SGCZ: variants seen among roughly 807,000 people sequenced by gnomAD.
SGCZ encodes the protein zeta-sarcoglycan.
SGCZ carries 40 observed loss-of-function variants against 41.3 expected under a neutral mutation model. That is an observed-to-expected ratio of 0.97 (90% CI 0.75 to 1.26). The LOEUF (loss-of-function observed/expected upper bound fraction) is 1.26. Ranked by LOEUF, SGCZ falls within the 50% of genes most tolerant of loss-of-function variation. The probability of loss-of-function intolerance (pLI) is 0.00; values close to 1 mark genes in which losing one functional copy is unlikely to be tolerated. For missense variants in SGCZ, 552 were observed against 369.8 expected (o/e 1.49, Z -4.04); for synonymous variants, 206 against 137.5 (o/e 1.50, Z -3.49).
intron 5 of SGCZ, among the ~76,000 whole-genome samples, chr8:14,142,162 T>C (rs976610241): frequency 1.2e-4 from 18 of 152,072 alleles, no homozygotes; most frequent in Admixed American, 8.5e-4. Context: ...CACCAGGGCC[T>C]GTCGAGGGGT....
At chr8:15,220,825 A>G (rs560416740) in intron 1 of SGCZ, among the ~76,000 whole-genome samples, 1 of 152,290 alleles carries the variant, frequency 6.6e-6, no homozygotes, top group Admixed American at 6.5e-5. Context: ...ACGGAATACT[A>G]TGCAGCCATA....
chr8:14,763,120 A>G (rs1168237522), intron 1 of SGCZ, among the ~76,000 whole-genome samples: 1 of 152,178 alleles, frequency 6.6e-6, no homozygotes, highest in Non-Finnish European at 1.5e-5. Flanking sequence ...GTTCTTTAAA[A>G]TGTGTTGTAT....
chr8:14,214,403 G>A (rs539507316), intron 4 of SGCZ, among the ~76,000 whole-genome samples: 1 of 151,990 alleles, frequency 6.6e-6, no homozygotes, highest in South Asian at 2.1e-4. Context: ...TAAAACCTCA[G>A]GAAATTTGAA....
intron 1 of SGCZ, among the ~76,000 whole-genome samples, chr8:14,738,236 T>G (rs1453186588): frequency 2.6e-5 from 4 of 152,060 alleles, no homozygotes; most frequent in Non-Finnish European, 5.9e-5. Flanking sequence ...GGGGGAATCA[T>G]CTTATCTAAT....
intron 1 of SGCZ, among the ~76,000 whole-genome samples, chr8:15,049,343 T>C (rs1029420599): frequency 1.2e-4 from 19 of 152,062 alleles, no homozygotes; most frequent in Admixed American, 4.6e-4. Flanking sequence ...AAAAGATTGC[T>C]AGCATGGCTA....
At chr8:14,222,555 T>A (rs2117125189) in intron 4 of SGCZ, among the ~76,000 whole-genome samples, 1 of 152,210 alleles carries the variant, frequency 6.6e-6, no homozygotes, top group Admixed American at 6.5e-5. Context: ...TTCTGCAGCT[T>A]CTGACAGATT....
chr8:14,601,850 G>A (rs1805598493), intron 1 of SGCZ, among the ~76,000 whole-genome samples: 1 of 152,144 alleles, frequency 6.6e-6, no homozygotes, highest in African/African-American at 2.4e-5. Context: ...GCCGGGCGCG[G>A]TGGCTCACGC....
intron 2 of SGCZ, among the ~76,000 whole-genome samples, chr8:14,426,055 G>A (rs1266115238): frequency 1.3e-5 from 2 of 151,780 alleles, no homozygotes; most frequent in African/African-American, 4.8e-5. Flanking sequence ...TTTTTTTCTA[G>A]TAAGAATAGT....
At chr8:14,776,273 T>TG (rs1800398455) in intron 1 of SGCZ, among the ~76,000 whole-genome samples, 2 of 152,114 alleles carry the variant, frequency 1.3e-5, no homozygotes, top group Admixed American at 6.5e-5. Context: ...AAGTGAATCA[T>TG]GGGGGTGGTT....
chr8:14,705,296 G>C (rs1210554996), intron 1 of SGCZ, among the ~76,000 whole-genome samples: 1 of 151,890 alleles, frequency 6.6e-6, no homozygotes, highest in Non-Finnish European at 1.5e-5. Flanking sequence ...TTGTCTATTT[G>C]TTAACAGGAT....
chr8:14,722,593 A>T (rs1809922289), intron 1 of SGCZ, among the ~76,000 whole-genome samples: 1 of 152,074 alleles, frequency 6.6e-6, no homozygotes, highest in African/African-American at 2.4e-5. Context: ...AAAGGAAAAC[A>T]CAAGAAATGA....
intron 1 of SGCZ, among the ~76,000 whole-genome samples, chr8:15,129,134 A>G (rs1226664284): frequency 6.6e-6 from 1 of 151,948 alleles, no homozygotes; most frequent in Non-Finnish European, 1.5e-5. Context: ...TTCAGTCCAA[A>G]TTTCCTTTTT....
At chr8:14,659,453 G>C (rs1180800828) in intron 1 of SGCZ, among the ~76,000 whole-genome samples, 1 of 151,904 alleles carries the variant, frequency 6.6e-6, no homozygotes, top group Non-Finnish European at 1.5e-5. Flanking sequence ...TTTTTACAGG[G>C]TATGATACAA....
At chr8:14,673,433 T>G (rs111238841) in intron 1 of SGCZ, among the ~76,000 whole-genome samples, 11 of 152,158 alleles carry the variant, frequency 7.2e-5, no homozygotes, top group Middle Eastern at 3.4e-3. Flanking sequence ...TGTCTCTCTC[T>G]CGCGCTCGCG....
intron 1 of SGCZ, among the ~76,000 whole-genome samples, chr8:14,933,943 T>C (rs1475227934): frequency 1.3e-5 from 2 of 151,956 alleles, no homozygotes; most frequent in East Asian, 3.8e-4. Context: ...GTTCTTAATC[T>C]TTACGGTGGG....
At chr8:14,710,731 T>A (rs1242875879) in intron 1 of SGCZ, among the ~76,000 whole-genome samples, 1 of 152,178 alleles carries the variant, frequency 6.6e-6, no homozygotes, top group African/African-American at 2.4e-5. Flanking sequence ...CCTACTTTTA[T>A]AGAACCAAAA....
At chr8:14,098,597 T>TC (rs1801915956) in intron 7 of SGCZ, among the ~76,000 whole-genome samples, 2 of 152,196 alleles carry the variant, frequency 1.3e-5, no homozygotes, top group Admixed American at 1.3e-4. Context: ...AAAAGTATTC[T>TC]AGGGGCAAAC....
intron 1 of SGCZ, among the ~76,000 whole-genome samples, chr8:14,929,521 A>G (rs934484615): frequency 6.6e-6 from 1 of 150,914 alleles, no homozygotes; most frequent in Non-Finnish European, 1.5e-5. Flanking sequence ...GCAGCCTAAC[A>G]CAATGACCAT....
intron 1 of SGCZ, among the ~76,000 whole-genome samples, chr8:14,647,120 A>G (rs188017002): frequency 2.0e-4 from 31 of 152,068 alleles, no homozygotes; most frequent in African/African-American, 7.0e-4. Context: ...TCCCCCCAAC[A>G]TCTCCCTTGC....
Sources: allele counts gnomAD v4.1 joint callset (sites outside exome capture counted in the v4.1 genomes callset), GRCh38; gene constraint gnomAD v4.1.1; transcripts MANE v1.5; gene names NCBI Gene and HGNC (gene_info 2026-07-23, HGNC 2026-07-21).